SF3B3: variants seen among roughly 807,000 people sequenced by gnomAD.
SF3B3 encodes the protein splicing factor 3b subunit 3.
In SF3B3, 33 loss-of-function variants were observed where a neutral mutation model predicts 139.2. That is an observed-to-expected ratio of 0.24 (90% CI 0.18 to 0.32). The LOEUF is 0.32. Ranked by LOEUF, SF3B3 falls within the 10% of genes least tolerant of loss-of-function variation. The pLI, the probability that SF3B3 is intolerant of heterozygous loss-of-function variation, is 1.00. For missense variants in SF3B3, 818 were observed against 1,509.4 expected, an observed-to-expected ratio of 0.54 and a Z score of 7.59; for synonymous variants, 596 against 563.6, an observed-to-expected ratio of 1.06 and a Z score of -0.81.
chr16:70,525,274 G>A (rs539494743), intron 1 of SF3B3, among the ~76,000 whole-genome samples: 1 of 152,030 alleles, frequency 6.6e-6, no homozygotes, highest in Admixed American at 6.6e-5. Context: ...TGACCCATTT[G>A]CCTCGGCCTC....
chr16:70,526,205 T>TA (rs2050062095), intron 1 of SF3B3, among the ~76,000 whole-genome samples: 1 of 151,894 alleles, frequency 6.6e-6, no homozygotes, highest in African/African-American at 2.4e-5. Context: ...CCGTGCTTTT[T>TA]ATTTATTTAT....
intron 2 of SF3B3, among the ~76,000 whole-genome samples, chr16:70,527,675 T>C (rs1375722792): frequency 1.3e-5 from 2 of 152,262 alleles, no homozygotes; most frequent in Non-Finnish European, 1.5e-5. Flanking sequence ...CTGACTTCAC[T>C]ATGTAATGCA....
At chr16:70,545,652 G>A (rs946371219) in intron 10 of SF3B3, among the ~76,000 whole-genome samples, 2 of 152,152 alleles carry the variant, frequency 1.3e-5, no homozygotes, top group Admixed American at 6.5e-5. Context: ...ACCTGTTTCT[G>A]TAAATTTTTA....
chr16:70,563,286 T>C (rs2050446647), intron 17 of SF3B3, among the ~76,000 whole-genome samples: 1 of 152,214 alleles, frequency 6.6e-6, no homozygotes, highest in African/African-American at 2.4e-5. Context: ...TTTTTTAATG[T>C]AGAGAATAAA....
At chr16:70,532,367 A>AG (rs2050130463) in intron 4 of SF3B3, 112 bp from the exon 5 acceptor site, 2 of 838,892 alleles carry the variant, frequency 2.4e-6, no homozygotes, top group Admixed American at 2.5e-5. Context: ...CAAAAAAAAA[A>AG]GAAGACATTT....
intron 6 of SF3B3, among the ~76,000 whole-genome samples, chr16:70,537,133 C>T (rs1490544106): frequency 6.6e-6 from 1 of 152,112 alleles, no homozygotes; most frequent in East Asian, 1.9e-4. Flanking sequence ...TAGTCTGTCC[C>T]ATAGTTTGTT....
intron 8 of SF3B3, among the ~76,000 whole-genome samples, chr16:70,539,925 C>T (rs909760484): frequency 6.6e-6 from 1 of 151,228 alleles, no homozygotes; most frequent in Non-Finnish European, 1.5e-5. Flanking sequence ...TGCAGGCATG[C>T]GTCACTATGC....
At position 70,554,607 on chromosome 16, in the gene SF3B3, C is replaced by T; in HGVS notation, c.1554+10C>T. ...TGATGCCTTGGTGCAGGTGAGGGTT[C>T]TCAGAGCTTACCTACTTGGCCTGCT... On this transcript the variant is annotated intron_variant, in intron 12 of 25. Coordinates refer to ENST00000302516, the MANE Select transcript of SF3B3 (RefSeq NM_012426.5). 2 of 1,613,988 alleles carry T rather than the reference C, an allele frequency of 1.2e-6. No individual in the cohort carries two copies. The highest frequency in any genetic ancestry group is 1.1e-5 in the South Asian group (1 of 91,066).
Position 70,565,475 on chromosome 16 carries a change from A to G in SF3B3, c.2777A>G (p.Tyr926Cys), listed in dbSNP as rs768186095. The G allele has an allele frequency of 2.5e-6, 4 of 1,614,194 alleles. No individual in the cohort carries two copies. Among genetic ancestry groups the G allele is most frequent in the Middle Eastern group, 1.6e-4 (1 of 6,062 alleles). Residue 926 changes from tyrosine (Y) to cysteine (C), a missense_variant, in exon 20 of 26, where the codon TAT becomes TGT. Tyr to Cys is a radical substitution (Grantham distance 194, BLOSUM62 -2). Around this residue, in one of 14 missense-constraint regions of SF3B3, gnomAD observed 145 missense variants for 153.6 expected, o/e 0.94. Transcript: ENST00000302516. ...NPRSVAGGFV[Y>C]TYKLVNNGEK... is the part of the protein sequence containing the mutation. ...CGATCTGTGGCAGGGGGCTTCGTCTATACTTACAAGCTTGTGAACAATGGG... is the reference window on the plus strand; with the variant it reads ...CGATCTGTGGCAGGGGGCTTCGTCTGTACTTACAAGCTTGTGAACAATGGG...
chr16:70,533,216 A>G (rs1438726660), intron 5 of SF3B3, among the ~76,000 whole-genome samples: 1 of 152,188 alleles, frequency 6.6e-6, no homozygotes, highest in Non-Finnish European at 1.5e-5. Flanking sequence ...TCGGCTGGGC[A>G]TGGTGGCTCA....
At chr16:70,544,390 G>C (rs377714217) in intron 9 of SF3B3, 48 bp from the exon 10 acceptor site, 13 of 1,095,470 alleles carry the variant, frequency 1.2e-5, no homozygotes, top group Non-Finnish European at 1.7e-5. Context: ...AGTTGTGTTT[G>C]AAAACAGCAC....
chr16:70,567,198 A>C (rs2151794643), intron 20 of SF3B3, among the ~76,000 whole-genome samples: 1 of 152,318 alleles, frequency 6.6e-6, no homozygotes, highest in Non-Finnish European at 1.5e-5. Context: ...TGGTACCAGA[A>C]CTTCTTGTCA....
rs961599193 is a variant in SF3B3 at position 70,572,221 on chromosome 16, T to G, written c.*408T>G. 25 of 441,482 alleles carry G rather than the reference T, an allele frequency of 5.7e-5. No homozygotes were observed. Among genetic ancestry groups the G allele is most frequent in the Non-Finnish European group, 8.6e-5 (19 of 220,134 alleles). 27.3% of individuals were successfully genotyped at this position (441,482 alleles called of 1,614,324 possible). ...GGAAGGAGGCAGGCTGTGGTGGGACTGGGTAGGGTATAGTATCACTCCTGA... is the reference window on the plus strand; with the variant it reads ...GGAAGGAGGCAGGCTGTGGTGGGACGGGGTAGGGTATAGTATCACTCCTGA... On this transcript the variant is annotated 3_prime_UTR_variant, in exon 26 of 26. Transcript: ENST00000302516.
chr16:70,527,334 A>G (rs1286662457), intron 2 of SF3B3, among the ~76,000 whole-genome samples: 2 of 152,226 alleles, frequency 1.3e-5, no homozygotes, highest in Non-Finnish European at 2.9e-5. Flanking sequence ...AAAGTGAGGT[A>G]CTAATGTTTA....
chr16:70,559,781 T>TA (rs2050411754), intron 15 of SF3B3, among the ~76,000 whole-genome samples: 1 of 151,796 alleles, frequency 6.6e-6, no homozygotes, highest in South Asian at 2.1e-4. Context: ...TTTTTTTTTT[T>TA]AAACAGAGAC....
In SF3B3 at chr16:70,575,206, T is replaced by C. The variant is rs957907664; in HGVS notation, c.*3393T>C. 6.9e-6 allele frequency: 1 copy of C among 145,896 alleles called. No homozygotes were observed. Among genetic ancestry groups the C allele is most frequent in the Non-Finnish European group, 1.5e-5 (1 of 66,326 alleles). 9.0% of individuals were successfully genotyped at this position (145,896 alleles called of 1,614,324 possible). The stretch of plus-strand genomic sequence containing the variant: ...CTTTTTCTTTTTTTTCTTTTTTTTT[T>C]TTTTTTTTTTGAGATGAAGTCTTAC... On this transcript the variant is annotated 3_prime_UTR_variant, in exon 26 of 26. Transcript: ENST00000302516.
intron 6 of SF3B3, chr16:70,538,047 T>C (rs774191596): frequency 1.1e-5 from 7 of 623,444 alleles, no homozygotes; most frequent in Non-Finnish European, 1.8e-5. Context: ...ATGTCTCTTC[T>C]CTGACATTTT....
intron 11 of SF3B3, among the ~76,000 whole-genome samples, chr16:70,553,873 C>T (rs186125011): frequency 5.3e-5 from 8 of 152,208 alleles, no homozygotes; most frequent in Admixed American, 6.5e-5. Flanking sequence ...ATATAAACAA[C>T]CCCCACCCTC....
chr16:70,576,993 G>A lies in SF3B3; in HGVS notation c.*5180G>A, dbSNP rs1023363921. 4 of 152,198 alleles carry A rather than the reference G, an allele frequency of 2.6e-5. No homozygotes were observed. The highest frequency in any genetic ancestry group is 9.7e-5 in the African/African-American group (4 of 41,410). 9.4% of individuals were successfully genotyped at this position (152,198 alleles called of 1,614,324 possible). On this transcript the variant is annotated 3_prime_UTR_variant, in exon 26 of 26. Coordinates refer to ENST00000302516, the MANE Select transcript of SF3B3 (RefSeq NM_012426.5). The stretch of plus-strand genomic sequence containing the variant: ...AAAATACAAAAATTAGCCAGGCATG[G>A]TGGTGCACACTTGTAGTCCCAGTAA...
Sources: gnomAD v4.1 joint callset for allele counts (sites outside exome capture counted in the v4.1 genomes callset) on GRCh38, gnomAD v4.1.1 for gene constraint, gnomAD v4.1.1 regional missense constraint, MANE v1.5 for transcripts, NCBI Gene and HGNC (gene_info 2026-07-23, HGNC 2026-07-21) for gene names.